Variants in CLCN2 observed in about 807,000 individuals in gnomAD.
CLCN2 encodes chloride voltage-gated channel 2.
In CLCN2, 72 loss-of-function variants were observed where a neutral mutation model predicts 108.3. That is an observed-to-expected ratio of 0.66 (90% CI 0.55 to 0.81). The LOEUF (loss-of-function observed/expected upper bound fraction) is 0.81, where lower values mean the gene tolerates loss of function less well. Among genes scored for constraint, CLCN2 ranks in the 30% least tolerant of loss-of-function variants. The probability of loss-of-function intolerance (pLI) is 0.00; values close to 1 mark genes in which losing one functional copy is unlikely to be tolerated. For missense variants in CLCN2, 1,048 were observed against 1,205.2 expected (o/e 0.87, Z 1.93); for synonymous variants, 471 against 467.1 (o/e 1.01, Z -0.11).
rs1049022879 is a variant in CLCN2, at chr3:184,358,166, T to A, written c.481+16A>T. On this transcript the variant is annotated intron_variant, in intron 4 of 23. Transcript: ENST00000265593. ...CAGGGGTCCCGCCTCTGCCCTCCCCTTCTCTTCTAACATACCGACAGCCTG... is the reference window on the plus strand; with the variant it reads ...CAGGGGTCCCGCCTCTGCCCTCCCCATCTCTTCTAACATACCGACAGCCTG... The A allele has an allele frequency of 6.2e-7, 1 of 1,614,134 alleles. No individual in the cohort carries two copies. The highest frequency in any genetic ancestry group is 8.5e-7 in the Non-Finnish European group (1 of 1,180,024).
chr3:184,346,477 T>C lies in CLCN2; in HGVS notation c.*129A>G, dbSNP rs1235443168. On this transcript the variant is annotated 3_prime_UTR_variant, in exon 24 of 24. Transcript: ENST00000265593. The surrounding 1 kb of genome is among the most constrained non-coding windows in gnomAD (Gnocchi z 6.0). The stretch of plus-strand genomic sequence containing the variant: ...AACTGGGAGAAGCTGGCACCCCAGG[T>C]CTGGAGGGGGCTGGGGTGCAGCCTC... 1.9e-6 allele frequency: 2 copies of C among 1,054,344 alleles called. No individual in the cohort carries two copies. Among genetic ancestry groups the C allele is most frequent in the Non-Finnish European group, 2.8e-6 (2 of 703,808 alleles). 65.3% of individuals were successfully genotyped at this position (1,054,344 alleles called of 1,614,324 possible). A position where few individuals can be genotyped will look rare whatever the true frequency, so the allele number is the denominator to read the frequency against.
In CLCN2 at chr3:184,357,805, G is replaced by A; in HGVS notation, c.667C>T (p.Leu223Phe). The change falls in exon 6 of 24, where the codon CTC (leucine) becomes TTC (phenylalanine). Residue 223 changes from leucine (L) to phenylalanine (F), a missense_variant. Transcript: ENST00000265593. ...TCATAGATACCCCCAAAGAGGGAGA[G>A]GAACTTGCTGAGAAGGGCAGCACAC... Reference protein sequence around the residue: ...SMCAALLSKFLSLFGGIYENE... With the variant: ...SMCAALLSKFFSLFGGIYENE... 2 of 1,613,972 alleles carry A rather than the reference G, an allele frequency of 1.2e-6. No homozygotes were observed. The highest frequency in any genetic ancestry group is 1.7e-6 in the Non-Finnish European group (2 of 1,179,992).
Position 184,352,124 on chromosome 3 carries a change from G to A in CLCN2, c.2311-7C>T. On this transcript the variant is annotated splice_polypyrimidine_tract_variant and splice_region_variant and intron_variant, in intron 21 of 23. Coordinates refer to ENST00000265593, the MANE Select transcript of CLCN2 (RefSeq NM_004366.6). ...GCTCCTCCCACTCCAGAATCTGAGG[G>A]GAAGAGACTATGAGGTTTAGGGAGA... The A allele has an allele frequency of 1.2e-6, 2 of 1,611,598 alleles. No homozygotes were observed. The highest frequency in any genetic ancestry group is 1.7e-6 in the Non-Finnish European group (2 of 1,177,820).
Position 184,346,522 on chromosome 3 carries a change from C to CCTT in CLCN2, c.*81_*83dup. 1 of 1,527,898 alleles carries CCTT rather than the reference C, an allele frequency of 6.5e-7. No homozygotes were observed. Among genetic ancestry groups the CCTT allele is most frequent in the Non-Finnish European group, 9.0e-7 (1 of 1,113,764 alleles). 94.6% of individuals were successfully genotyped at this position (1,527,898 alleles called of 1,614,324 possible). On this transcript the variant is annotated 3_prime_UTR_variant, in exon 24 of 24. Coordinates refer to ENST00000265593, the MANE Select transcript of CLCN2 (RefSeq NM_004366.6). The surrounding 1 kb of genome is among the most constrained non-coding windows in gnomAD (Gnocchi z 6.0). Reference sequence around the variant, plus strand: ...AGCCTCCAGCTGTAGCTGCCTCCTGCCTTCCGAAGGCAGAAGGAATGAAAG... The same window carrying CCTT: ...AGCCTCCAGCTGTAGCTGCCTCCTGCCTTCTTCCGAAGGCAGAAGGAATGAAAG...
rs777499829 is a variant in CLCN2 at position 184,352,528 on chromosome 3, T to C, written c.2218-32A>G. The stretch of plus-strand genomic sequence containing the variant: ...TTTTGTTAGAGCCAAACCAGAAAGA[T>C]GAGGAGTTGAGGTTATAGGGAGAGG... On this transcript the variant is annotated intron_variant, in intron 19 of 23. Transcript: ENST00000265593. 91 of 1,606,216 alleles carry C rather than the reference T, an allele frequency of 5.7e-5. 1 individual carries two copies. Among genetic ancestry groups the C allele is most frequent in the Admixed American group, 3.4e-4 (20 of 59,332 alleles).
At chr3:184,358,477 G>A in intron 3 of CLCN2, 167 bp from the exon 4 acceptor site, 1 of 1,136,146 alleles carries the variant, frequency 8.8e-7, no homozygotes, top group Non-Finnish European at 1.3e-6. Context: ...CGCAATCTAG[G>A]CAAGAGGATC....
In CLCN2 at chr3:184,355,908, T is replaced by TTGC; in HGVS notation, c.1086-133_1086-131dup. ...ACTCAGTCCTGACAGAAGGTCTCCT[T>TTGC]TGCTGTTTATGATACGATAGCCCCA... On this transcript the variant is annotated intron_variant, in intron 10 of 23. Transcript: ENST00000265593. The surrounding 1 kb of genome is among the most constrained non-coding windows in gnomAD (Gnocchi z 6.3). 1.3e-6 allele frequency: 1 copy of TTGC among 772,490 alleles called. No individual in the cohort carries two copies. The highest frequency in any genetic ancestry group is 2.3e-6 in the Non-Finnish European group (1 of 440,764). 47.9% of individuals were successfully genotyped at this position (772,490 alleles called of 1,614,324 possible).
At chr3:184,351,931 G>A in intron 22 of CLCN2, 82 bp downstream of exon 22, 1 of 1,017,774 alleles carries the variant, frequency 9.8e-7, no homozygotes, top group Non-Finnish European at 1.6e-6. Flanking sequence ...CCACTGGCCT[G>A]AGTCCAAACT....
intron 3 of CLCN2, 51 bp downstream of exon 3, chr3:184,358,631 G>A (rs1196918788): frequency 6.4e-7 from 1 of 1,550,634 alleles, no homozygotes; most frequent in East Asian, 2.4e-5. Context: ...AGTGTGGCAT[G>A]GACGCAGGAG....
intron 10 of CLCN2, chr3:184,356,734 C>A: frequency 3.9e-6 from 2 of 514,122 alleles, no homozygotes; most frequent in Non-Finnish European, 7.0e-6. Flanking sequence ...CCTATATGGG[C>A]CAGCCCAGAG....
At position 184,352,017 on chromosome 3, in the gene CLCN2, T is replaced by A; in HGVS notation, c.2411A>T (p.His804Leu). The A allele has an allele frequency of 6.2e-7, 1 of 1,612,928 alleles. No individual in the cohort carries two copies. Among genetic ancestry groups the A allele is most frequent in the Non-Finnish European group, 8.5e-7 (1 of 1,179,398 alleles). The change falls in exon 22 of 24, where the codon CAC becomes CTC. Residue 804 changes from histidine to leucine, a missense_variant. Physicochemically the swap from His to Leu is moderately conservative, Grantham distance 99 (BLOSUM62 -3). Transcript: ENST00000265593. ...GGGCCAGGCTGCTGGCCCTACCTTG[T>A]GCAAAGAGGTCCGCTCCACCAGCTG... ...PFQLVERTSL[H>L]KTHTIFSLLG...
chr3:184,356,740 C>A (rs1041712693), intron 10 of CLCN2: 2 of 529,318 alleles, frequency 3.8e-6, no homozygotes, highest in Non-Finnish European at 6.8e-6. Context: ...TGGGCCAGCC[C>A]AGAGGACCTG....
At position 184,354,332 on chromosome 3, in the gene CLCN2, C is replaced by CA. The variant is rs1560259091; in HGVS notation, c.1508-19dup. ...AGCTGCCCCTGGGGACAGTCACACT[C>CA]AGTCTCCTCAGGGTGCCCAGGTCCC... On this transcript the variant is annotated intron_variant, in intron 14 of 23. Transcript: ENST00000265593. The CA allele has an allele frequency of 1.9e-6, 3 of 1,610,908 alleles. No individual in the cohort carries two copies. The Admixed American group carries it at 5.0e-5, about 27-fold the overall frequency.
At chr3:184,358,398 A>G in intron 3 of CLCN2, 88 bp from the exon 4 acceptor site, 2 of 1,577,012 alleles carry the variant, frequency 1.3e-6, no homozygotes, top group South Asian at 2.2e-5. Context: ...AGGCTGTCCC[A>G]GGGAGTACCA....
In CLCN2 at chr3:184,358,200, G is replaced by C. The variant is rs766586475; in HGVS notation, c.463C>G (p.Leu155Val). 11 of 1,614,040 alleles carry C rather than the reference G, an allele frequency of 6.8e-6. No homozygotes were observed. Among genetic ancestry groups the C allele is most frequent in the Non-Finnish European group, 9.3e-6 (11 of 1,180,046 alleles). Residue 155 changes from leucine to valine, a missense_variant, in exon 4 of 24, where the codon CTG becomes GTG. Leu to Val is a conservative substitution (Grantham distance 32). Transcript: ENST00000265593. ...AACATACCGACAGCCTGAGGGGCCAGGATCTGTGTGAATCCGGCTGAGAAA... is the reference window on the plus strand; with the variant it reads ...AACATACCGACAGCCTGAGGGGCCACGATCTGTGTGAATCCGGCTGAGAAA... ...ITFSAGFTQI[L>V]APQAVGSGIP...
rs1387741258 is a variant in CLCN2, at chr3:184,355,056, TC to T, written c.1327-84del. 1.5e-6 allele frequency: 2 copies of T among 1,337,692 alleles called. No homozygotes were observed. Among genetic ancestry groups the T allele is most frequent in the Non-Finnish European group, 2.1e-6 (2 of 932,688 alleles). 82.9% of individuals were successfully genotyped at this position (1,337,692 alleles called of 1,614,324 possible). ...CAGCGCCACCCAGGAGAAGTCTACC[TC>T]GCTGATCAGGTGGGCGTAACCCTCC... On this transcript the variant is annotated intron_variant, in intron 12 of 23. Coordinates refer to ENST00000265593, the MANE Select transcript of CLCN2 (RefSeq NM_004366.6). The surrounding 1 kb of genome is among the most constrained non-coding windows in gnomAD (Gnocchi z 6.3).
At position 184,361,510 on chromosome 3, in the gene CLCN2, C is replaced by G; in HGVS notation, c.-31G>C. 2 of 1,606,268 alleles carry G rather than the reference C, an allele frequency of 1.2e-6. No homozygotes were observed. The highest frequency in any genetic ancestry group is 1.7e-6 in the Non-Finnish European group (2 of 1,179,350). On this transcript the variant is annotated 5_prime_UTR_variant, in exon 1 of 24. Coordinates refer to ENST00000265593, the MANE Select transcript of CLCN2 (RefSeq NM_004366.6). This position sits in a 1 kb window ranked among gnomAD's most constrained non-coding sequence, Gnocchi z 6.6. Reference sequence around the variant, plus strand: ...CGCACTGCCCTCTCGCCTCCCTCGGCGGTTCCGGCTCTGTCCTGGACTCGG... The same window carrying G: ...CGCACTGCCCTCTCGCCTCCCTCGGGGGTTCCGGCTCTGTCCTGGACTCGG...
chr3:184,359,243 T>A, intron 1 of CLCN2, 112 bp from the exon 2 acceptor site: 1 of 1,313,690 alleles, frequency 7.6e-7, no homozygotes, highest in Non-Finnish European at 1.1e-6. Context: ...TGGATATCCC[T>A]CTTGAACGCA....
chr3:184,355,414 G>GT lies in CLCN2; in HGVS notation c.1285_1286insA (p.Ala429AspfsTer47). 6.2e-7 allele frequency: 1 copy of GT among 1,614,024 alleles called. No individual in the cohort carries two copies. The highest frequency in any genetic ancestry group is 1.7e-5 in the Admixed American group (1 of 60,024). On this transcript the variant is annotated frameshift_variant, in exon 12 of 24. Transcript: ENST00000265593. LOFTEE classifies it high-confidence loss of function. This position sits in a 1 kb window ranked among gnomAD's most constrained non-coding sequence, Gnocchi z 6.3. ...GATGACCAGGGTGAGGAAGACGTTG[G>GT]CACGTGGTGGGTTCCAGGCCTGTGA...
Sources: gnomAD v4.1 joint callset for allele counts on GRCh38, gnomAD v4.1.1 for gene constraint, Gnocchi (gnomAD v3.1) non-coding constraint, MANE v1.5 for transcripts, NCBI Gene and HGNC (gene_info 2026-07-23, HGNC 2026-07-21) for gene names.